Variants in NDUFS4 observed in about 807,000 individuals in gnomAD.
NDUFS4 encodes the protein NADH:ubiquinone oxidoreductase subunit S4, also known as NADH dehydrogenase [ubiquinone] iron-sulfur protein 4, mitochondrial.
A neutral mutation model predicts 24.3 loss-of-function variants in NDUFS4; 28 were observed. That is an observed-to-expected ratio of 1.15 (90% CI 0.85 to 1.58). NDUFS4 has a LOEUF of 1.58. NDUFS4 is among the 40% of genes most tolerant of loss of function. NDUFS4 has a pLI of 0.00. For missense variants in NDUFS4, 223 were observed against 207.9 expected (o/e 1.07, Z -0.45); for synonymous variants, 93 against 69.7 (o/e 1.34, Z -1.67).
intron 1 of NDUFS4, among the ~76,000 whole-genome samples, chr5:53,561,740 T>C (rs190877300): frequency 6.6e-6 from 1 of 152,258 alleles, no homozygotes; most frequent in Admixed American, 6.5e-5. Context: ...TAAATATAAA[T>C]GGAATGCAGA....
chr5:53,640,209 G>A lies in NDUFS4; in HGVS notation c.178-6024G>A, dbSNP rs1425690768. Reference sequence around the variant, plus strand: ...TGGAAAGTGAAGGATTCTGGCAGGGGTAGACGGAAGGATGTTAAAGTAGGA... The same window carrying A: ...TGGAAAGTGAAGGATTCTGGCAGGGATAGACGGAAGGATGTTAAAGTAGGA... On this transcript the variant is annotated intron_variant, in intron 2 of 4. Coordinates refer to ENST00000296684, the MANE Select transcript of NDUFS4 (RefSeq NM_002495.4). Among the ~76,000 whole-genome samples the A allele has an allele frequency of 2.0e-5, 3 of 152,052 alleles. No individual in the cohort carries two copies. The East Asian group carries it at 5.8e-4, about 29-fold the overall frequency.
chr5:53,608,875 T>G (rs1316992482), intron 2 of NDUFS4, among the ~76,000 whole-genome samples: 1 of 152,244 alleles, frequency 6.6e-6, no homozygotes, highest in African/African-American at 2.4e-5. Flanking sequence ...TATTGTATTA[T>G]AAAAGCACTT....
At chr5:53,641,630 T>A (rs570924689) in intron 2 of NDUFS4, among the ~76,000 whole-genome samples, 29 of 152,272 alleles carry the variant, frequency 1.9e-4, no homozygotes, top group Middle Eastern at 3.4e-3. Flanking sequence ...ATATGGCCCC[T>A]AAGTTTTTAG....
At chr5:53,626,824 C>G (rs145017812) in intron 2 of NDUFS4, among the ~76,000 whole-genome samples, 2 of 152,008 alleles carry the variant, frequency 1.3e-5, no homozygotes, top group Admixed American at 1.3e-4. Context: ...TTCTCCCATT[C>G]TGTAGGTTGC....
intron 1 of NDUFS4, among the ~76,000 whole-genome samples, chr5:53,587,418 G>C (rs1561345053): frequency 1.3e-5 from 2 of 151,986 alleles, no homozygotes; most frequent in African/African-American, 4.8e-5. Flanking sequence ...CATGGTTAGT[G>C]GTTAGTATTT....
chr5:53,646,143 T>G, intron 2 of NDUFS4, 90 bp from the exon 3 acceptor site: 1 of 1,046,874 alleles, frequency 9.6e-7, no homozygotes, highest in Non-Finnish European at 1.4e-6. Context: ...CAAATCTGAA[T>G]AGAGTTGCAT....
intron 1 of NDUFS4, among the ~76,000 whole-genome samples, chr5:53,583,567 A>G (rs532095581): frequency 2.0e-5 from 3 of 152,224 alleles, no homozygotes; most frequent in Non-Finnish European, 4.4e-5. Flanking sequence ...AGAAGATTAT[A>G]CATTCTGTTT....
At chr5:53,609,578 G>A (rs1372889430) in intron 2 of NDUFS4, among the ~76,000 whole-genome samples, 1 of 152,256 alleles carries the variant, frequency 6.6e-6, no homozygotes, top group East Asian at 1.9e-4. Context: ...AATTGCATTA[G>A]CCTCTAAGAG....
intron 4 of NDUFS4, among the ~76,000 whole-genome samples, chr5:53,667,896 G>A (rs1197443616): frequency 6.6e-6 from 1 of 152,164 alleles, no homozygotes; most frequent in Non-Finnish European, 1.5e-5. Context: ...ATAGACTTAA[G>A]GATGTTAAAG....
chr5:53,609,284 C>T (rs946617447), intron 2 of NDUFS4, among the ~76,000 whole-genome samples: 12 of 152,174 alleles, frequency 7.9e-5, no homozygotes, highest in South Asian at 4.1e-4. Flanking sequence ...CCTTGGTCCA[C>T]GGGCTGCAGA....
chr5:53,563,151 C>T (rs1002895350), intron 1 of NDUFS4, among the ~76,000 whole-genome samples: 3 of 151,764 alleles, frequency 2.0e-5, no homozygotes, highest in Non-Finnish European at 4.4e-5. Context: ...ATGGCGTGAA[C>T]CCGGGAGGCA....
At chr5:53,663,032 C>T (rs918308201) in intron 4 of NDUFS4, among the ~76,000 whole-genome samples, 6 of 151,930 alleles carry the variant, frequency 3.9e-5, no homozygotes, top group Admixed American at 3.3e-4. Flanking sequence ...TCTTTGTTCT[C>T]GTTGGTTTCA....
intron 2 of NDUFS4, among the ~76,000 whole-genome samples, chr5:53,630,286 G>A (rs180848551): frequency 3.1e-4 from 47 of 152,122 alleles, no homozygotes; most frequent in Non-Finnish European, 1.0e-4. Flanking sequence ...TGGTTAACTC[G>A]ACCTTTTTCT....
chr5:53,615,292 A>G (rs894535254), intron 2 of NDUFS4, among the ~76,000 whole-genome samples: 8 of 151,992 alleles, frequency 5.3e-5, no homozygotes, highest in African/African-American at 1.9e-4. Flanking sequence ...TAAGTTCTCA[A>G]TGAAGGTAGG....
chr5:53,621,130 G>T (rs256118), intron 2 of NDUFS4, among the ~76,000 whole-genome samples: 1 of 151,938 alleles, frequency 6.6e-6, no homozygotes, highest in South Asian at 2.1e-4. Flanking sequence ...CTGTTGGTTG[G>T]TGCATTAACA....
At chr5:53,667,162 A>G (rs895851021) in intron 4 of NDUFS4, among the ~76,000 whole-genome samples, 7 of 152,002 alleles carry the variant, frequency 4.6e-5, no homozygotes, top group South Asian at 4.1e-4. Flanking sequence ...CCATTGAAGC[A>G]TTACAGAAGT....
chr5:53,648,980 C>A (rs946630294), intron 3 of NDUFS4, among the ~76,000 whole-genome samples: 1 of 152,212 alleles, frequency 6.6e-6, no homozygotes, highest in African/African-American at 2.4e-5. Flanking sequence ...TAATCATCCT[C>A]TTCCATAAGG....
intron 2 of NDUFS4, among the ~76,000 whole-genome samples, chr5:53,625,746 C>CA (rs34115848): frequency 0.26 from 39,234 of 151,738 alleles, 6,729 homozygotes; most frequent in African/African-American, 0.48. Flanking sequence ...TTGAAATGTT[C>CA]ACTCATTTTG....
chr5:53,586,327 C>T (rs1429224307), intron 1 of NDUFS4, among the ~76,000 whole-genome samples: 1 of 131,794 alleles, frequency 7.6e-6, no homozygotes, highest in Non-Finnish European at 1.6e-5. Context: ...GAAACTTCAT[C>T]TCAAAAAAAA....
Sources: gnomAD v4.1 joint callset for allele counts (sites outside exome capture counted in the v4.1 genomes callset) on GRCh38, gnomAD v4.1.1 for gene constraint, MANE v1.5 for transcripts, NCBI Gene and HGNC (gene_info 2026-07-23, HGNC 2026-07-21) for gene names.